Variants in CHD6 observed in about 807,000 individuals in gnomAD.
The protein encoded by CHD6 is ATP-dependent chromatin remodeler CHD6.
CHD6 carries 50 observed loss-of-function variants against 276.9 expected under a neutral mutation model. The observed-to-expected ratio is 0.18, with a 90% confidence interval of 0.14 to 0.23. The LOEUF (loss-of-function observed/expected upper bound fraction) is 0.23. Among genes scored for constraint, CHD6 ranks in the 10% least tolerant of loss-of-function variants. The pLI is 1.00. For synonymous variants in CHD6, 1,173 were observed against 1,229.3 expected (o/e 0.95, Z 0.96); for missense variants, 2,564 against 3,365.8 (o/e 0.76, Z 5.89).
At chr20:41,581,540 T>C (rs2045539265) in intron 1 of CHD6, among the ~76,000 whole-genome samples, 1 of 151,954 alleles carries the variant, frequency 6.6e-6, no homozygotes, top group Admixed American at 6.6e-5. Context: ...CTGGGTGTGG[T>C]GGTGCGTGCC....
intron 16 of CHD6, among the ~76,000 whole-genome samples, chr20:41,474,498 C>A (rs2043128499): frequency 6.6e-6 from 1 of 152,000 alleles, no homozygotes; most frequent in African/African-American, 2.4e-5. Context: ...TACTCTGGGC[C>A]CAATTTTGAC....
At chr20:41,411,183 T>C (rs2046831895) in intron 36 of CHD6, among the ~76,000 whole-genome samples, 1 of 147,392 alleles carries the variant, frequency 6.8e-6, no homozygotes, top group East Asian at 2.0e-4. Context: ...CGGCCACTGG[T>C]GGAGCTACTA....
intron 2 of CHD6, among the ~76,000 whole-genome samples, chr20:41,534,066 C>T (rs2044762624): frequency 6.6e-6 from 1 of 152,236 alleles, no homozygotes; most frequent in Non-Finnish European, 1.5e-5. Context: ...TTTAAGAAAA[C>T]ATCCCTTTGG....
rs183332942 is a variant in CHD6 at position 41,598,955 on chromosome 20, C to T, written c.-24+19385G>A. Among the ~76,000 whole-genome samples, 364 of 152,284 alleles carry T rather than the reference C, an allele frequency of 2.4e-3. 2 individuals are homozygous for T. The highest frequency in any genetic ancestry group is 3.0e-3 in the Non-Finnish European group (204 of 68,020). On this transcript the variant is annotated intron_variant, in intron 1 of 36. Coordinates refer to ENST00000373233, the MANE Select transcript of CHD6 (RefSeq NM_032221.5). ...ATCACAAAAAAAGGAGTACTCCCTA[C>T]GGGTCCTCTGACCCTTACATTTACA...
At chr20:41,489,041 G>C (rs1482155304) in intron 12 of CHD6, among the ~76,000 whole-genome samples, 1 of 152,132 alleles carries the variant, frequency 6.6e-6, no homozygotes, top group African/African-American at 2.4e-5. Flanking sequence ...CAGATTGAAG[G>C]TAATGATTCT....
At chr20:41,523,650 G>GT (rs200892102) in intron 3 of CHD6, among the ~76,000 whole-genome samples, 1,419 of 141,116 alleles carry the variant, frequency 0.01, 8 homozygotes, top group African/African-American at 0.017. Context: ...TTTGTTTTTT[G>GT]TTTTTTTTTT....
At chr20:41,461,694 A>G (rs1398299628) in intron 17 of CHD6, 2 of 152,506 alleles carry the variant, frequency 1.3e-5, no homozygotes, top group African/African-American at 4.8e-5. Context: ...GAACCAATAC[A>G]TCCTGGTTTA....
At chr20:41,466,629 G>A (rs892204252) in intron 17 of CHD6, among the ~76,000 whole-genome samples, 1 of 152,094 alleles carries the variant, frequency 6.6e-6, no homozygotes, top group Admixed American at 6.5e-5. Context: ...AATCTTATAC[G>A]GCCCTTAAGT....
rs959209942 is a variant in CHD6 at position 41,402,426 on chromosome 20, G to T, written c.*2167C>A. ...AACAAGGGATTGAGCATGCTGGTGGGTTTTTAAGTCAGATCCACATTGAAC... is the reference window on the plus strand; with the variant it reads ...AACAAGGGATTGAGCATGCTGGTGGTTTTTTAAGTCAGATCCACATTGAAC... On this transcript the variant is annotated 3_prime_UTR_variant, in exon 37 of 37. Transcript: ENST00000373233. 14 of 230,256 alleles carry T rather than the reference G, an allele frequency of 6.1e-5. No individual in the cohort carries two copies. In the East Asian group the frequency reaches 8.6e-4, roughly 14 times the overall value. 14.3% of individuals were successfully genotyped at this position (230,256 alleles called of 1,614,324 possible).
chr20:41,501,216 C>CTA (rs1444127422), intron 5 of CHD6, among the ~76,000 whole-genome samples: 3 of 152,128 alleles, frequency 2.0e-5, no homozygotes, highest in African/African-American at 7.2e-5. Context: ...TGAGATATGT[C>CTA]TAGTCTTAAT....
Position 41,440,011 on chromosome 20 carries a change from G to A in CHD6, c.3996C>T (p.Asp1332=). 1 of 1,614,062 alleles carries A rather than the reference G, an allele frequency of 6.2e-7. No homozygotes were observed. Among genetic ancestry groups the A allele is most frequent in the Non-Finnish European group, 8.5e-7 (1 of 1,179,968 alleles). The stretch of plus-strand genomic sequence containing the variant: ...ACGTGGCTTCTCACCTTTCAGGAAT[G>A]TCTGAGGTCCCATCTGTAACACCCT... The part of the protein sequence containing the change: ...AEQGVTDGTS[D]IPERGNTDKE... The change falls in exon 26 of 37, where the codon GAC becomes GAT. Residue 1332 remains aspartate (D), a synonymous_variant. Transcript: ENST00000373233.
At position 41,405,150 on chromosome 20, in the gene CHD6, T is replaced by A. The variant is rs1332473730; in HGVS notation, c.7591A>T (p.Met2531Leu). ...CTGAGGAGTCCCCCAACACCAAACA[T>A]CTGGGGCACAGCAGCCATGCCTGGC... is the stretch of plus-strand genomic sequence containing the variant. ...MLPGMAAVPQ[M>L]FGVGGLLSPP... is the part of the protein sequence containing the mutation. Residue 2531 changes from methionine (M) to leucine (L), a missense_variant, in exon 37 of 37, where the codon ATG (methionine) becomes TTG (leucine). Met to Leu is a conservative substitution (Grantham distance 15, BLOSUM62 2). This residue lies in a region of CHD6 where 238 missense variants were observed against 266.0 expected (regional missense o/e 0.89). Transcript: ENST00000373233. 1 of 1,614,194 alleles carries A rather than the reference T, an allele frequency of 6.2e-7. No individual in the cohort carries two copies. Among genetic ancestry groups the A allele is most frequent in the Admixed American group, 1.7e-5 (1 of 60,026 alleles).
intron 3 of CHD6, among the ~76,000 whole-genome samples, chr20:41,519,040 G>A (rs1244718874): frequency 6.6e-6 from 1 of 152,196 alleles, no homozygotes; most frequent in East Asian, 1.9e-4. Context: ...CCAGCACTTT[G>A]GGAGGCCCAG....
rs571239585 is a variant in CHD6 at position 41,524,004 on chromosome 20, C to CTAT, written c.554+9045_554+9046insATA. Among the ~76,000 whole-genome samples, 22 of 152,220 alleles carry CTAT rather than the reference C, an allele frequency of 1.4e-4. No homozygotes were observed. In the South Asian group the frequency reaches 4.6e-3, roughly 32 times the overall value. On this transcript the variant is annotated intron_variant, in intron 3 of 36. Transcript: ENST00000373233. ...AAGAATGCGTTACTACTACAGCCAC[C>CTAT]GAAAATAGCTCATGATCCCAATGAC... is the stretch of plus-strand genomic sequence containing the variant.
intron 16 of CHD6, among the ~76,000 whole-genome samples, chr20:41,477,878 C>A (rs948579921): frequency 2.0e-5 from 3 of 152,144 alleles, no homozygotes; most frequent in Non-Finnish European, 4.4e-5. Flanking sequence ...AGATCACCTA[C>A]CCCAGCCTTG....
At chr20:41,612,155 G>T (rs1224351474) in intron 1 of CHD6, among the ~76,000 whole-genome samples, 1 of 152,158 alleles carries the variant, frequency 6.6e-6, no homozygotes, top group Non-Finnish European at 1.5e-5. Context: ...CTAACCATCT[G>T]CTATAAAAGC....
rs1435979518 is a variant in CHD6, at chr20:41,491,822, AG to A, written c.1315-4del. 1.2e-6 allele frequency: 2 copies of A among 1,613,650 alleles called. No individual in the cohort carries two copies. The highest frequency in any genetic ancestry group is 2.7e-5 in the African/African-American group (2 of 74,890). ...CAGGAGTCTGAAGCAGGCCGCTCCT[AG>A]GGAGGAAAGCAAACAGCATAATAGA... On this transcript the variant is annotated splice_polypyrimidine_tract_variant and splice_region_variant and intron_variant, in intron 10 of 36. Coordinates refer to ENST00000373233, the MANE Select transcript of CHD6 (RefSeq NM_032221.5).
chr20:41,497,141 G>A (rs950394464), intron 8 of CHD6: 1 of 456,924 alleles, frequency 2.2e-6, no homozygotes, highest in Non-Finnish European at 4.0e-6. Context: ...CTATTTATTA[G>A]TATTCAGACC....
chr20:41,406,478 CGA>C (rs1423069463), intron 36 of CHD6, among the ~76,000 whole-genome samples: 50 of 152,290 alleles, frequency 3.3e-4, no homozygotes, highest in Non-Finnish European at 2.9e-5. Context: ...GCAGCATCAG[CGA>C]GCGGAAGGCA....
Sources: gnomAD v4.1 joint callset for allele counts (sites outside exome capture counted in the v4.1 genomes callset) on GRCh38, gnomAD v4.1.1 for gene constraint, gnomAD v4.1.1 regional missense constraint, MANE v1.5 for transcripts, NCBI Gene and HGNC (gene_info 2026-07-23, HGNC 2026-07-21) for gene names.